Variants in CHST11 observed in about 807,000 individuals in gnomAD.
CHST11 encodes C4S-1.
In CHST11, 9 loss-of-function variants were observed where a neutral mutation model predicts 30.4. The ratio of observed to expected loss-of-function variants is 0.30; its 90% CI spans 0.18 to 0.52. The LOEUF (loss-of-function observed/expected upper bound fraction) is 0.52. Ranked by LOEUF, CHST11 falls within the 20% of genes least tolerant of loss-of-function variation. The probability of loss-of-function intolerance (pLI) is 0.97; values close to 1 mark genes in which losing one functional copy is unlikely to be tolerated. For synonymous variants in CHST11, 152 were observed against 187.8 expected, an observed-to-expected ratio of 0.81 and a Z score of 1.56; for missense variants, 348 against 460.6, an observed-to-expected ratio of 0.76 and a Z score of 2.24.
At chr12:104,485,650 G>A (rs2037669920) in intron 1 of CHST11, among the ~76,000 whole-genome samples, 1 of 152,230 alleles carries the variant, frequency 6.6e-6, no homozygotes, top group African/African-American at 2.4e-5. Flanking sequence ...ACTGACTCGG[G>A]CACTTCTCTA....
At chr12:104,655,366 G>A (rs935248442) in intron 2 of CHST11, among the ~76,000 whole-genome samples, 1 of 152,220 alleles carries the variant, frequency 6.6e-6, no homozygotes, top group Non-Finnish European at 1.5e-5. Context: ...AGGCAGCTCT[G>A]CCCCTCCAGC....
chr12:104,505,248 T>C (rs928859995), intron 1 of CHST11, among the ~76,000 whole-genome samples: 1 of 152,082 alleles, frequency 6.6e-6, no homozygotes, highest in African/African-American at 2.4e-5. Context: ...ACATTTTTGG[T>C]CATTATGACT....
At position 104,686,232 on chromosome 12, in the gene CHST11, T is replaced by TAAAAAAAAAAAAAAAAAAAA. The variant is rs55789725; in HGVS notation, c.205-70700_205-70699insAAAAAAAAAAAAAAAAAAAA. Among the ~76,000 whole-genome samples the TAAAAAAAAAAAAAAAAAAAA allele has an allele frequency of 3.3e-4, 33 of 99,122 alleles. 1 individual carries two copies. Among genetic ancestry groups the TAAAAAAAAAAAAAAAAAAAA allele is most frequent in the African/African-American group, 6.7e-4 (20 of 29,694 alleles). The allele number at this position is 99,122 out of a possible 152,430, so 65.0% of individuals were successfully genotyped here. ...GATCACAAAGGGAGAACTCACCTCT[T>TAAAAAAAAAAAAAAAAAAAA]AAAAAAAAAAAAAAAAAGACAACAT... On this transcript the variant is annotated intron_variant, in intron 2 of 2. Transcript: ENST00000303694.
chr12:104,675,195 A>C (rs1488967611), intron 2 of CHST11, among the ~76,000 whole-genome samples: 2 of 152,234 alleles, frequency 1.3e-5, no homozygotes, highest in African/African-American at 4.8e-5. Context: ...TTTAAAATTG[A>C]ACCAGAAGTA....
intron 1 of CHST11, among the ~76,000 whole-genome samples, chr12:104,513,321 A>T (rs891808360): frequency 6.6e-6 from 1 of 152,134 alleles, no homozygotes; most frequent in African/African-American, 2.4e-5. Flanking sequence ...GAGATTATTA[A>T]ATTCGTTAGC....
At chr12:104,494,270 A>C (rs973619921) in intron 1 of CHST11, among the ~76,000 whole-genome samples, 7 of 152,134 alleles carry the variant, frequency 4.6e-5, no homozygotes, top group African/African-American at 1.7e-4. Flanking sequence ...TGCACCACGA[A>C]GCAAAGGCAG....
At chr12:104,751,537 C>G (rs568426825) in intron 2 of CHST11, among the ~76,000 whole-genome samples, 2 of 152,328 alleles carry the variant, frequency 1.3e-5, no homozygotes, top group South Asian at 4.1e-4. Flanking sequence ...ATCCAGTGAC[C>G]TAGGGCTGAC....
At chr12:104,639,577 T>C (rs2039356210) in intron 2 of CHST11, among the ~76,000 whole-genome samples, 2 of 152,094 alleles carry the variant, frequency 1.3e-5, no homozygotes, top group African/African-American at 4.8e-5. Flanking sequence ...CTTTATGGGA[T>C]AGAGGAGCAA....
At position 104,594,343 on chromosome 12, in the gene CHST11, C is replaced by G. The variant is rs144807797; in HGVS notation, c.119-7563C>G. Among the ~76,000 whole-genome samples the G allele has an allele frequency of 5.7e-3, 867 of 152,230 alleles. 12 individuals carry two copies. The highest frequency in any genetic ancestry group is 0.043 in the South Asian group (205 of 4,820). ...TTTGGATTCAAAGAGCTACAGGATC[C>G]TTGAAATAAAATGAAATCTCACAGA... On this transcript the variant is annotated intron_variant, in intron 1 of 2. Transcript: ENST00000303694.
chr12:104,600,369 A>G lies in CHST11; in HGVS notation c.119-1537A>G, dbSNP rs905088507. Among the ~76,000 whole-genome samples, 1 of 151,926 alleles carries G rather than the reference A, an allele frequency of 6.6e-6. No homozygotes were observed. Among genetic ancestry groups the G allele is most frequent in the Non-Finnish European group, 1.5e-5 (1 of 67,994 alleles). On this transcript the variant is annotated intron_variant, in intron 1 of 2. Transcript: ENST00000303694. This position sits in a 1 kb window ranked among gnomAD's most constrained non-coding sequence, Gnocchi z 4.1. Reference sequence around the variant, plus strand: ...GCTGCACCCTGCTTGAGGTCTGGTCACTCCTCATCAGTCCCCTTGATAGCC... The same window carrying G: ...GCTGCACCCTGCTTGAGGTCTGGTCGCTCCTCATCAGTCCCCTTGATAGCC...
intron 2 of CHST11, among the ~76,000 whole-genome samples, chr12:104,608,810 C>T (rs1262575051): frequency 1.3e-5 from 2 of 152,206 alleles, no homozygotes; most frequent in Admixed American, 6.5e-5. Context: ...CCCTCATCTA[C>T]TCCATTTGGA....
intron 2 of CHST11, among the ~76,000 whole-genome samples, chr12:104,710,312 TGC>T (rs776436415): frequency 6.6e-6 from 1 of 152,212 alleles, no homozygotes; most frequent in Non-Finnish European, 1.5e-5. Flanking sequence ...CAAAAATTCT[TGC>T]ACCGCTGGCG....
chr12:104,499,111 T>A (rs1194484188), intron 1 of CHST11, among the ~76,000 whole-genome samples: 1 of 152,240 alleles, frequency 6.6e-6, no homozygotes, highest in Admixed American at 6.5e-5. Context: ...CCATGATTCT[T>A]GTTTTTCAGT....
chr12:104,756,264 G>A lies in CHST11; in HGVS notation c.205-685G>A, dbSNP rs150988063. On this transcript the variant is annotated intron_variant, in intron 2 of 2. Transcript: ENST00000303694. ...TCTGGGTGCTGGAGACGCAGGTGGT[G>A]GCAGAGCAGGCAGAGTGCCCTCCTG... Among the ~76,000 whole-genome samples the A allele has an allele frequency of 3.8e-3, 575 of 152,358 alleles. 5 individuals carry two copies. Among genetic ancestry groups the A allele is most frequent in the African/African-American group, 0.013 (543 of 41,586 alleles).
intron 1 of CHST11, among the ~76,000 whole-genome samples, chr12:104,462,167 C>CAAAAAAA (rs796356338): frequency 1.5e-4 from 10 of 65,508 alleles, no homozygotes; most frequent in Non-Finnish European, 2.3e-4. Flanking sequence ...AACACCATCT[C>CAAAAAAA]AAAAAAAAAA....
intron 1 of CHST11, among the ~76,000 whole-genome samples, chr12:104,513,379 C>T (rs1043617226): frequency 1.3e-5 from 2 of 152,118 alleles, no homozygotes; most frequent in African/African-American, 4.8e-5. Context: ...TAAATCTCCC[C>T]CACCCCCAGT....
At chr12:104,617,571 A>G (rs1156827274) in intron 2 of CHST11, among the ~76,000 whole-genome samples, 1 of 152,184 alleles carries the variant, frequency 6.6e-6, no homozygotes, top group Non-Finnish European at 1.5e-5. Flanking sequence ...GATTTTGAGC[A>G]AGTAATTCAA....
intron 2 of CHST11, among the ~76,000 whole-genome samples, chr12:104,658,596 G>T (rs958006010): frequency 6.6e-6 from 1 of 152,190 alleles, no homozygotes; most frequent in Non-Finnish European, 1.5e-5. Context: ...TATCTGGAGA[G>T]GGGGAGGTAG....
intron 2 of CHST11, among the ~76,000 whole-genome samples, chr12:104,622,940 C>T (rs2039174644): frequency 6.6e-6 from 1 of 152,174 alleles, no homozygotes; most frequent in Non-Finnish European, 1.5e-5. Context: ...CCAAAGCACC[C>T]CCAAAGCCAT....
Sources: gnomAD v4.1 joint callset for allele counts (sites outside exome capture counted in the v4.1 genomes callset) on GRCh38, gnomAD v4.1.1 for gene constraint, Gnocchi (gnomAD v3.1) non-coding constraint, MANE v1.5 for transcripts, NCBI Gene and HGNC (gene_info 2026-07-23, HGNC 2026-07-21) for gene names.